The following RERE variants were observed in gnomAD, a reference collection of about 807,000 sequenced individuals.
RERE encodes arginine-glutamic acid dipeptide repeats, also known as arginine-glutamic acid dipeptide repeats protein.
RERE carries 40 observed loss-of-function variants against 146.1 expected under a neutral mutation model. That is an observed-to-expected ratio of 0.27 (90% CI 0.21 to 0.36). The LOEUF is 0.36. RERE is among the 10% of genes least tolerant of loss of function. The pLI is 1.00. For synonymous variants in RERE, 1,003 were observed against 866.0 expected (o/e 1.16, Z -2.78); for missense variants, 1,933 against 2,138.7 (o/e 0.90, Z 1.90).
chr1:8,638,299 G>A (rs906157762), intron 2 of RERE, among the ~76,000 whole-genome samples: 2 of 152,268 alleles, frequency 1.3e-5, no homozygotes, highest in East Asian at 1.9e-4. Context: ...TGATGTGATA[G>A]GAGAATACCT....
intron 1 of RERE, among the ~76,000 whole-genome samples, chr1:8,732,143 C>T (rs573527766): frequency 3.1e-4 from 47 of 152,284 alleles, no homozygotes; most frequent in African/African-American, 1.1e-3. Context: ...ATCCCACAAT[C>T]GTGCCCCTAA....
chr1:8,635,024 C>T (rs1222334625), intron 2 of RERE, among the ~76,000 whole-genome samples: 3 of 152,184 alleles, frequency 2.0e-5, no homozygotes, highest in Non-Finnish European at 4.4e-5. Flanking sequence ...CGTGAGCCAC[C>T]GCGCCTGGCC....
chr1:8,780,018 C>T (rs144227579), intron 1 of RERE, among the ~76,000 whole-genome samples: 1 of 152,162 alleles, frequency 6.6e-6, no homozygotes, highest in African/African-American at 2.4e-5. Context: ...TGGTGAAACC[C>T]CATCTCCACA....
At chr1:8,589,158 G>T (rs1646462589) in intron 4 of RERE, among the ~76,000 whole-genome samples, 1 of 151,624 alleles carries the variant, frequency 6.6e-6, no homozygotes, top group Non-Finnish European at 1.5e-5. Flanking sequence ...CTACTGACAA[G>T]GCCAGGCGTG....
chr1:8,718,833 G>C (rs963659693), intron 1 of RERE, among the ~76,000 whole-genome samples: 1 of 152,152 alleles, frequency 6.6e-6, no homozygotes, highest in Admixed American at 6.5e-5. Flanking sequence ...ACTGCACAAG[G>C]TTATCATGGA....
chr1:8,590,889 ATCC>A (rs1360064012), intron 4 of RERE: 5 of 152,226 alleles, frequency 3.3e-5, no homozygotes, highest in African/African-American at 1.2e-4. Context: ...CTCACCCAGA[ATCC>A]TCTAGCAGTT....
chr1:8,502,785 T>C (rs1645192423), intron 8 of RERE, among the ~76,000 whole-genome samples: 1 of 147,444 alleles, frequency 6.8e-6, no homozygotes, highest in Non-Finnish European at 1.5e-5. Context: ...TCTGTGACCT[T>C]ATCCCCAACC....
At chr1:8,524,307 T>A (rs936380425) in intron 7 of RERE, among the ~76,000 whole-genome samples, 3 of 152,176 alleles carry the variant, frequency 2.0e-5, no homozygotes, top group Non-Finnish European at 4.4e-5. Context: ...TCTCCTTAGT[T>A]GCAATCCCAA....
chr1:8,359,795 C>T lies in RERE; in HGVS notation c.3587G>A (p.Arg1196Gln), dbSNP rs1408948503. 8.1e-6 allele frequency: 13 copies of T among 1,599,284 alleles called. No homozygotes were observed. Among genetic ancestry groups the T allele is most frequent in the South Asian group, 1.1e-5 (1 of 90,946 alleles). The change falls in exon 19 of 23, where the codon CGA (arginine) becomes CAA (glutamine). Residue 1196 changes from arginine (R) to glutamine (Q), a missense_variant. Arg to Gln is a conservative substitution (Grantham distance 43, BLOSUM62 1). Transcript: ENST00000400908. ...KEKEKERERE[R>Q]EREREAERAA... is the part of the protein sequence containing the mutation. ...CCGCTCTGCCTCGCGCTCCCGCTCTCGCTCCCGCTCCCGCTCCTTCTCCTT... is the reference window on the plus strand; with the variant it reads ...CCGCTCTGCCTCGCGCTCCCGCTCTTGCTCCCGCTCCCGCTCCTTCTCCTT...
intron 10 of RERE, among the ~76,000 whole-genome samples, chr1:8,468,931 A>G (rs1217874545): frequency 2.0e-5 from 3 of 152,048 alleles, no homozygotes; most frequent in Admixed American, 6.5e-5. Context: ...AAAAAAAGAA[A>G]AAAGGGTAAG....
intron 7 of RERE, among the ~76,000 whole-genome samples, chr1:8,535,150 A>T (rs868590043): frequency 1.7e-4 from 26 of 152,168 alleles, no homozygotes; most frequent in Admixed American, 1.3e-4. Context: ...ATTGCTATTT[A>T]AAAAAATAAT....
intron 6 of RERE, among the ~76,000 whole-genome samples, chr1:8,551,051 C>T (rs565528413): frequency 3.5e-4 from 54 of 152,320 alleles, no homozygotes; most frequent in African/African-American, 1.3e-3. Flanking sequence ...CCAGAAAATT[C>T]ATCCTAAAGC....
At chr1:8,530,520 G>A (rs919594120) in intron 7 of RERE, among the ~76,000 whole-genome samples, 3 of 151,980 alleles carry the variant, frequency 2.0e-5, no homozygotes, top group Admixed American at 2.0e-4. Context: ...GCGGGGAGGG[G>A]AAGCAACACT....
At chr1:8,791,527 T>C (rs956374675) in intron 1 of RERE, among the ~76,000 whole-genome samples, 35 of 152,336 alleles carry the variant, frequency 2.3e-4, no homozygotes, top group Admixed American at 2.2e-3. Context: ...TAATCCCTTA[T>C]TAACAGCCAA....
At chr1:8,724,086 C>T (rs1270870311) in intron 1 of RERE, among the ~76,000 whole-genome samples, 1 of 152,092 alleles carries the variant, frequency 6.6e-6, no homozygotes, top group Non-Finnish European at 1.5e-5. Flanking sequence ...TTTATCTTTA[C>T]CAAAGATATT....
intron 1 of RERE, among the ~76,000 whole-genome samples, chr1:8,745,532 T>C (rs1640402519): frequency 6.6e-6 from 1 of 152,164 alleles, no homozygotes; most frequent in Non-Finnish European, 1.5e-5. Flanking sequence ...ACCGTTGGCC[T>C]AGGTTCAGCT....
At chr1:8,383,289 T>A (rs1642518682) in intron 12 of RERE, among the ~76,000 whole-genome samples, 1 of 151,270 alleles carries the variant, frequency 6.6e-6, no homozygotes, top group African/African-American at 2.4e-5. Flanking sequence ...TCCACCCAGG[T>A]CCAGCTTCTC....
chr1:8,511,043 C>T (rs868223381), intron 7 of RERE, among the ~76,000 whole-genome samples: 85 of 152,102 alleles, frequency 5.6e-4, no homozygotes, highest in African/African-American at 1.9e-3. Flanking sequence ...CATGAGCCAC[C>T]GCACTCACCG....
intron 12 of RERE, among the ~76,000 whole-genome samples, chr1:8,403,164 T>C (rs1643321874): frequency 6.6e-6 from 1 of 152,186 alleles, no homozygotes; most frequent in Non-Finnish European, 1.5e-5. Context: ...CCCAAAGTGC[T>C]GGGATTACAG....
Sources: allele counts gnomAD v4.1 joint callset (sites outside exome capture counted in the v4.1 genomes callset), GRCh38; gene constraint gnomAD v4.1.1; transcripts MANE v1.5; gene names NCBI Gene and HGNC (gene_info 2026-07-23, HGNC 2026-07-21).